YTHDF1: variants seen among roughly 807,000 people sequenced by gnomAD.
YTHDF1 encodes the protein YTH domain-containing family protein 1.
In YTHDF1, 16 loss-of-function variants were observed where a neutral mutation model predicts 49.1. That is an observed-to-expected ratio of 0.33 (90% CI 0.22 to 0.49). YTHDF1 has a LOEUF of 0.49. Ranked by LOEUF, YTHDF1 falls within the 20% of genes least tolerant of loss-of-function variation. The pLI, the probability that YTHDF1 is intolerant of heterozygous loss-of-function variation, is 0.99. For synonymous variants in YTHDF1, 313 were observed against 290.1 expected (o/e 1.08, Z -0.80); for missense variants, 621 against 744.3 (o/e 0.83, Z 1.93).
chr20:63,196,845 G>A lies in YTHDF1; in HGVS notation c.1654-111C>T, dbSNP rs2066494835. On this transcript the variant is annotated intron_variant, in intron 4 of 4. Coordinates refer to ENST00000370339, the MANE Select transcript of YTHDF1 (RefSeq NM_017798.4). ...GCAGCACCTGCAAATCTGGAGGCGG[G>A]ACCCTGAATGGTACCCAAGCCACAC... The A allele has an allele frequency of 3.2e-6, 4 of 1,263,098 alleles. No individual in the cohort carries two copies. The African/African-American group carries it at 5.9e-5, about 19-fold the overall frequency. The allele number at this position is 1,263,098 out of a possible 1,614,324, so 78.2% of individuals were successfully genotyped here. A position where few individuals can be genotyped will look rare whatever the true frequency, so the allele number is the denominator to read the frequency against.
intron 1 of YTHDF1, 109 bp downstream of exon 1, chr20:63,215,757 G>A: frequency 2.2e-6 from 3 of 1,369,768 alleles, no homozygotes; most frequent in Non-Finnish European, 2.8e-6. Flanking sequence ...CCCCGGTCCC[G>A]CCTGGGCCCG....
rs1355067650 is a variant in YTHDF1, at chr20:63,213,897, G to T, written c.99C>A (p.Asp33Glu). 1.3e-6 allele frequency: 2 copies of T among 1,588,242 alleles called. No homozygotes were observed. The highest frequency in any genetic ancestry group is 3.9e-5 in the Admixed American group (2 of 51,884). The stretch of plus-strand genomic sequence containing the variant: ...ACTGTCCAGTAAGGTAGGGCTCAAA[G>T]TCATTGTCATGAACTGTATCCTTCT... Reference protein sequence around the residue: ...LHQKDTVHDNDFEPYLTGQSN... With the variant: ...LHQKDTVHDNEFEPYLTGQSN... Residue 33 changes from aspartate to glutamate, a missense_variant, in exon 3 of 5, where the codon GAC becomes GAA. Coordinates refer to ENST00000370339, the MANE Select transcript of YTHDF1 (RefSeq NM_017798.4).
rs748190270 is a variant in YTHDF1, at chr20:63,203,831, T to G, written c.133-24A>C. ...CTCTGCAAAAGCAAACGTGACAAGT[T>G]ACACCACTTCTACAACACGAGATGC... is the stretch of plus-strand genomic sequence containing the variant. On this transcript the variant is annotated intron_variant, in intron 3 of 4. Transcript: ENST00000370339. This position sits in a 1 kb window ranked among gnomAD's most constrained non-coding sequence, Gnocchi z 4.4. 6.3e-7 allele frequency: 1 copy of G among 1,577,164 alleles called. No homozygotes were observed. Among genetic ancestry groups the G allele is most frequent in the Non-Finnish European group, 8.6e-7 (1 of 1,156,594 alleles).
At position 63,203,202 on chromosome 20, in the gene YTHDF1, A is replaced by G; in HGVS notation, c.738T>C (p.Pro246=). 1 of 1,613,946 alleles carries G rather than the reference A, an allele frequency of 6.2e-7. No homozygotes were observed. Among genetic ancestry groups the G allele is most frequent in the Non-Finnish European group, 8.5e-7 (1 of 1,180,018 alleles). ...AIASKPAKPQ[P]KMKTKSGPVM... ...CAGGCCCGCTCTTTGTTTTCATTTTAGGCTGTGGTTTTGCAGGCTTGCTGG... is the reference window on the plus strand; with the variant it reads ...CAGGCCCGCTCTTTGTTTTCATTTTGGGCTGTGGTTTTGCAGGCTTGCTGG... The change falls in exon 4 of 5, where the codon CCT becomes CCC. Residue 246 remains proline, a synonymous_variant. Transcript: ENST00000370339. The surrounding 1 kb of genome is among the most constrained non-coding windows in gnomAD (Gnocchi z 4.4).
intron 4 of YTHDF1, among the ~76,000 whole-genome samples, chr20:63,197,526 G>T (rs567287974): frequency 1.5e-3 from 224 of 152,256 alleles, no homozygotes; most frequent in Non-Finnish European, 2.5e-3. Flanking sequence ...CTCCTTACAA[G>T]GCAGCATACA....
chr20:63,209,778 C>A (rs2066565287), intron 3 of YTHDF1, among the ~76,000 whole-genome samples: 1 of 152,198 alleles, frequency 6.6e-6, no homozygotes, highest in African/African-American at 2.4e-5. Context: ...CCTAGGCCTA[C>A]ACAGGGTCTG....
intron 3 of YTHDF1, among the ~76,000 whole-genome samples, chr20:63,206,586 G>A (rs1250307747): frequency 1.3e-5 from 2 of 152,192 alleles, no homozygotes; most frequent in African/African-American, 4.8e-5. Context: ...AGCCACAGAA[G>A]ACGGTGACGC....
intron 4 of YTHDF1, among the ~76,000 whole-genome samples, chr20:63,199,166 G>C (rs139973995): frequency 5.3e-5 from 8 of 152,158 alleles, no homozygotes; most frequent in African/African-American, 1.9e-4. Flanking sequence ...AAAACCGCCC[G>C]GGGGCTCTAC....
chr20:63,203,075 C>T lies in YTHDF1; in HGVS notation c.865G>A (p.Ala289Thr), dbSNP rs779158151. ...TGTGGGGCAGCCTGTGGAGAGGGTG[C>T]CTGCTGGGGGACTGGGGCCTTCGGC... is the stretch of plus-strand genomic sequence containing the variant. Reference protein sequence around the residue: ...PVPKAPVPQQAPSPQAAPQPQ... With the variant: ...PVPKAPVPQQTPSPQAAPQPQ... The change falls in exon 4 of 5, where the codon GCA becomes ACA. Residue 289 changes from alanine to threonine, a missense_variant. Ala to Thr is a moderately conservative substitution (Grantham distance 58). This residue lies in a region of YTHDF1 where 470 missense variants were observed against 495.8 expected (regional missense o/e 0.95). Coordinates refer to ENST00000370339, the MANE Select transcript of YTHDF1 (RefSeq NM_017798.4). The surrounding 1 kb of genome is among the most constrained non-coding windows in gnomAD (Gnocchi z 4.4). The T allele has an allele frequency of 6.2e-7, 1 of 1,605,032 alleles. No homozygotes were observed. Among genetic ancestry groups the T allele is most frequent in the Non-Finnish European group, 8.5e-7 (1 of 1,174,782 alleles).
Position 63,202,974 on chromosome 20 carries a change from C to T in YTHDF1, c.966G>A (p.Gln322=), listed in dbSNP as rs1442539256. 6.2e-7 allele frequency: 1 copy of T among 1,613,664 alleles called. No individual in the cohort carries two copies. The highest frequency in any genetic ancestry group is 8.5e-7 in the Non-Finnish European group (1 of 1,179,992). ...LAQPQYQSPQ[Q]PPQTRWVAPR... is the part of the protein sequence containing the mutation. ...GGGCAACCCAGCGGGTCTGGGGTGG[C>T]TGCTGAGGGCTCTGATACTGCGGTT... is the stretch of plus-strand genomic sequence containing the variant. Residue 322 remains glutamine (Q), a synonymous_variant, in exon 4 of 5, where the codon CAG becomes CAA. Transcript: ENST00000370339.
At chr20:63,205,453 T>G (rs1047295348) in intron 3 of YTHDF1, among the ~76,000 whole-genome samples, 1 of 152,148 alleles carries the variant, frequency 6.6e-6, no homozygotes, top group African/African-American at 2.4e-5. Flanking sequence ...AAATCCAATT[T>G]ATTTTCTAAT....
At chr20:63,197,659 G>T (rs973620856) in intron 4 of YTHDF1, among the ~76,000 whole-genome samples, 7 of 152,076 alleles carry the variant, frequency 4.6e-5, no homozygotes, top group African/African-American at 1.7e-4. Context: ...CGAGAGGATC[G>T]CTTGAGCCCA....
chr20:63,215,226 G>T (rs927732989), intron 2 of YTHDF1, among the ~76,000 whole-genome samples: 7 of 152,178 alleles, frequency 4.6e-5, no homozygotes, highest in Admixed American at 2.6e-4. Context: ...CAGAACCTTG[G>T]ACTGCCCCTC....
At chr20:63,212,198 CAG>C (rs956304721) in intron 3 of YTHDF1, among the ~76,000 whole-genome samples, 18 of 152,336 alleles carry the variant, frequency 1.2e-4, no homozygotes, top group Admixed American at 3.9e-4. Flanking sequence ...AGAGGAAGGG[CAG>C]ATTCTCAGAA....
In YTHDF1 at chr20:63,203,740, G is replaced by A. The variant is rs1404440924; in HGVS notation, c.200C>T (p.Pro67Leu). 1 of 1,614,018 alleles carries A rather than the reference G, an allele frequency of 6.2e-7. No individual in the cohort carries two copies. Among genetic ancestry groups the A allele is most frequent in the Admixed American group, 1.7e-5 (1 of 60,004 alleles). The change falls in exon 4 of 5, where the codon CCT becomes CTT. Residue 67 changes from proline (P) to leucine (L), a missense_variant. Physicochemically the swap from Pro to Leu is moderately conservative, Grantham distance 98 (BLOSUM62 -3). Around this residue, in one of 2 missense-constraint regions of YTHDF1, gnomAD observed 470 missense variants for 495.8 expected, o/e 0.95. Transcript: ENST00000370339. This position sits in a 1 kb window ranked among gnomAD's most constrained non-coding sequence, Gnocchi z 4.4. The part of the protein sequence containing the change: ...SSYYPPSIGF[P>L]YSLNEAPWST... The stretch of plus-strand genomic sequence containing the variant: ...CCACGGAGCCTCATTGAGGGAGTAA[G>A]GAAATCCAATGGACGGCGGGTAATA...
intron 3 of YTHDF1, among the ~76,000 whole-genome samples, chr20:63,212,456 G>A (rs1029685540): frequency 2.6e-5 from 4 of 152,238 alleles, no homozygotes; most frequent in African/African-American, 9.6e-5. Flanking sequence ...CAGTAGCTGA[G>A]GGCTACTTGG....
intron 3 of YTHDF1, among the ~76,000 whole-genome samples, chr20:63,211,381 C>T (rs548072174): frequency 3.9e-4 from 59 of 152,166 alleles, no homozygotes; most frequent in African/African-American, 1.4e-3. Flanking sequence ...GGGAGAATCA[C>T]CTGAGCCTGG....
intron 4 of YTHDF1, among the ~76,000 whole-genome samples, chr20:63,199,165 C>T (rs919168874): frequency 3.9e-5 from 6 of 152,172 alleles, no homozygotes; most frequent in East Asian, 3.9e-4. Context: ...GAAAACCGCC[C>T]GGGGGCTCTA....
At chr20:63,199,215 T>G (rs1435821955) in intron 4 of YTHDF1, among the ~76,000 whole-genome samples, 2 of 152,206 alleles carry the variant, frequency 1.3e-5, no homozygotes, top group East Asian at 3.9e-4. Context: ...CACACTACTT[T>G]GTTCTTAAAA....
Sources: allele counts gnomAD v4.1 joint callset (sites outside exome capture counted in the v4.1 genomes callset), GRCh38; gene constraint gnomAD v4.1.1; regional missense constraint gnomAD v4.1.1; non-coding constraint Gnocchi (gnomAD v3.1); transcripts MANE v1.5; gene names NCBI Gene and HGNC (gene_info 2026-07-23, HGNC 2026-07-21).